The following DLGAP2 variants were observed in gnomAD, a reference collection of about 807,000 sequenced individuals.
The protein encoded by DLGAP2 is DLG associated protein 2, also known as disks large-associated protein 2.
In DLGAP2, 26 loss-of-function variants were observed where a neutral mutation model predicts 100.3. The observed-to-expected ratio is 0.26, with a 90% confidence interval of 0.19 to 0.36. The LOEUF (loss-of-function observed/expected upper bound fraction) is 0.36, where lower values mean the gene tolerates loss of function less well. DLGAP2 is among the 10% of genes least tolerant of loss of function. DLGAP2 has a pLI of 1.00. For synonymous variants in DLGAP2, 886 were observed against 630.1 expected, an observed-to-expected ratio of 1.41 and a Z score of -6.08; for missense variants, 1,858 against 1,453.2, an observed-to-expected ratio of 1.28 and a Z score of -4.53.
chr8:764,379 C>T (rs1266622873), intron 1 of DLGAP2, among the ~76,000 whole-genome samples: 4 of 152,216 alleles, frequency 2.6e-5, no homozygotes, highest in African/African-American at 9.6e-5. Flanking sequence ...CTACTCCATC[C>T]ATCCGAGAGA....
intron 1 of DLGAP2, among the ~76,000 whole-genome samples, chr8:884,279 T>A (rs1797878254): frequency 6.6e-6 from 1 of 152,234 alleles, no homozygotes. Flanking sequence ...CCTTCCTGTT[T>A]CTCTGCAGCC....
At chr8:802,987 G>T (rs1450404907) in intron 1 of DLGAP2, among the ~76,000 whole-genome samples, 1 of 152,220 alleles carries the variant, frequency 6.6e-6, no homozygotes, top group Non-Finnish European at 1.5e-5. Flanking sequence ...GAAAAGGTAG[G>T]CATTTCTTGG....
At chr8:1,477,247 C>G (rs1214312796) in intron 3 of DLGAP2, among the ~76,000 whole-genome samples, 1 of 152,178 alleles carries the variant, frequency 6.6e-6, no homozygotes, top group Non-Finnish European at 1.5e-5. Context: ...TAGGTCAGGT[C>G]TCAGATGACG....
intron 2 of DLGAP2, among the ~76,000 whole-genome samples, chr8:1,097,264 C>T (rs553062763): frequency 1.5e-5 from 2 of 132,890 alleles, no homozygotes; most frequent in East Asian, 4.8e-4. Context: ...TGAGACCCAG[C>T]TCCCTCTGCT....
At chr8:1,656,850 C>T (rs1299888654) in intron 8 of DLGAP2, among the ~76,000 whole-genome samples, 1 of 152,204 alleles carries the variant, frequency 6.6e-6, no homozygotes, top group East Asian at 1.9e-4. Context: ...TTACACAGTT[C>T]CTTCTGATCA....
intron 3 of DLGAP2, among the ~76,000 whole-genome samples, chr8:1,392,039 C>T (rs575081740): frequency 6.9e-4 from 105 of 152,278 alleles, no homozygotes; most frequent in African/African-American, 2.4e-3. Flanking sequence ...CTTATCTATC[C>T]CCTTGTTGCG....
chr8:1,101,408 C>A (rs1563192266), intron 2 of DLGAP2, among the ~76,000 whole-genome samples: 1 of 152,140 alleles, frequency 6.6e-6, no homozygotes, highest in Non-Finnish European at 1.5e-5. Flanking sequence ...ACCTTGAGGA[C>A]ATTAAGCACA....
rs149374523 is a variant in DLGAP2, at chr8:1,357,640, G to T, written c.106+98757G>T. 2.2e-3 allele frequency among the ~76,000 whole-genome samples: 338 copies of T among 152,244 alleles called. 1 individual carries two copies. The highest frequency in any genetic ancestry group is 7.9e-3 in the African/African-American group (327 of 41,544). ...AACTCTTACACATTTTCAAAATAAA[G>T]ATTTTTTAAAATAAACCTTTTTGTC... On this transcript the variant is annotated intron_variant, in intron 3 of 14. Transcript: ENST00000637795.
In DLGAP2 at chr8:1,708,124, G is replaced by A. The variant is rs542009949; in HGVS notation, c.*6718G>A. 5.3e-5 allele frequency: 8 copies of A among 152,042 alleles called. No homozygotes were observed. The highest frequency in any genetic ancestry group is 1.9e-4 in the East Asian group (1 of 5,194). 9.4% of individuals were successfully genotyped at this position (152,042 alleles called of 1,614,324 possible). On this transcript the variant is annotated 3_prime_UTR_variant, in exon 15 of 15. Transcript: ENST00000637795. ...AGCTGACTGTAAGAAACTGTGCACC[G>A]TTTCCGCCATAACCGTCCTGTGACG...
chr8:940,458 G>A (rs1312361129), intron 2 of DLGAP2, among the ~76,000 whole-genome samples: 1 of 151,996 alleles, frequency 6.6e-6, no homozygotes, highest in African/African-American at 2.4e-5. Flanking sequence ...CTGCTTAGCC[G>A]GGATTCTTCA....
At chr8:1,681,795 G>C (rs1257572353) in intron 12 of DLGAP2, among the ~76,000 whole-genome samples, 1 of 152,214 alleles carries the variant, frequency 6.6e-6, no homozygotes, top group East Asian at 1.9e-4. Context: ...ATAAACTGGG[G>C]CTCTGAGAGA....
chr8:1,269,698 C>A (rs759135799), intron 3 of DLGAP2, among the ~76,000 whole-genome samples: 1 of 152,044 alleles, frequency 6.6e-6, no homozygotes, highest in East Asian at 1.9e-4. Context: ...TGACTGTGCA[C>A]CCCCCTCCCC....
chr8:956,999 T>G (rs1370378667), intron 2 of DLGAP2, among the ~76,000 whole-genome samples: 1 of 152,206 alleles, frequency 6.6e-6, no homozygotes, highest in Non-Finnish European at 1.5e-5. Context: ...GACACACACA[T>G]CAGGGTCTAA....
intron 2 of DLGAP2, among the ~76,000 whole-genome samples, chr8:1,144,160 A>C (rs994900102): frequency 6.6e-6 from 1 of 152,200 alleles, no homozygotes; most frequent in African/African-American, 2.4e-5. Context: ...AGGCAAAAAG[A>C]AAGGAGGGGA....
At chr8:1,695,064 G>A (rs1164664584) in intron 13 of DLGAP2, among the ~76,000 whole-genome samples, 2 of 152,212 alleles carry the variant, frequency 1.3e-5, no homozygotes, top group African/African-American at 4.8e-5. Context: ...GGAAGGCGAT[G>A]CCTGCTCTCA....
At chr8:1,689,249 T>C (rs934884818) in intron 12 of DLGAP2, among the ~76,000 whole-genome samples, 3 of 152,160 alleles carry the variant, frequency 2.0e-5, no homozygotes, top group Non-Finnish European at 4.4e-5. Context: ...AAACGGACTT[T>C]CTGGCCCGAC....
chr8:1,678,107 C>A (rs918076126), intron 11 of DLGAP2, 107 bp from the exon 12 acceptor site: 1 of 1,316,026 alleles, frequency 7.6e-7, no homozygotes, highest in East Asian at 2.3e-5. Context: ...CCTTGAGCCG[C>A]CAGGCTGTTG....
intron 3 of DLGAP2, among the ~76,000 whole-genome samples, chr8:1,482,970 C>T (rs1483936129): frequency 2.0e-5 from 3 of 152,256 alleles, no homozygotes; most frequent in Non-Finnish European, 4.4e-5. Context: ...CGGCCATCCT[C>T]ACGTCCCGTG....
At chr8:1,470,711 A>G (rs1798755711) in intron 3 of DLGAP2, among the ~76,000 whole-genome samples, 1 of 150,704 alleles carries the variant, frequency 6.6e-6, no homozygotes, top group Admixed American at 6.6e-5. Context: ...TTCCATGATG[A>G]AGGCATCACC....
Sources: gnomAD v4.1 joint callset for allele counts (sites outside exome capture counted in the v4.1 genomes callset) on GRCh38, gnomAD v4.1.1 for gene constraint, MANE v1.5 for transcripts, NCBI Gene and HGNC (gene_info 2026-07-23, HGNC 2026-07-21) for gene names.